Variants in OLAH observed in about 807,000 individuals in gnomAD.
OLAH encodes the protein oleoyl-ACP hydrolase.
Under a neutral mutation model 27.8 loss-of-function variants are expected in OLAH, and 33 were observed. That is an observed-to-expected ratio of 1.19 (90% CI 0.90 to 1.59). The LOEUF (loss-of-function observed/expected upper bound fraction) is 1.59. Ranked by LOEUF, OLAH falls within the 40% of genes most tolerant of loss-of-function variation. The pLI, the probability that OLAH is intolerant of heterozygous loss-of-function variation, is 0.00. For synonymous variants in OLAH, 120 were observed against 102.9 expected (o/e 1.17, Z -1.01); for missense variants, 359 against 310.8 (o/e 1.16, Z -1.17).
At chr10:15,061,992 G>A in intron 4 of OLAH, 130 bp downstream of exon 4, 1 of 813,082 alleles carries the variant, frequency 1.2e-6, no homozygotes, top group Non-Finnish European at 1.8e-6. Flanking sequence ...GGTAATTATG[G>A]CCATCACAAC....
chr10:15,054,039 A>ATT (rs34022567), intron 3 of OLAH, among the ~76,000 whole-genome samples: 26,188 of 129,028 alleles, frequency 0.2, 2,958 homozygotes, highest in Non-Finnish European at 0.26. Context: ...CCTCTTAAGC[A>ATT]TTTTTTTTTT....
Position 15,073,196 on chromosome 10 carries a change from G to C in OLAH, c.765G>C (p.Lys255Asn), listed in dbSNP as rs766109957. 3.8e-6 allele frequency: 6 copies of C among 1,599,466 alleles called. No homozygotes were observed. In the African/African-American group the frequency reaches 8.1e-5, roughly 22 times the overall value. Residue 255 changes from lysine (K) to asparagine (N), a missense_variant, in exon 8 of 8, where the codon AAG becomes AAC. Lys to Asn is a moderately conservative substitution (Grantham distance 94). Transcript: ENST00000378228. ...AATTAATCAAGAACTACATAATCAA[G>C]TGTCTAGAAGTATCATCGATATCCA... Reference protein sequence around the residue: ...NEKLIKNYIIKCLEVSSISNF With the variant: ...NEKLIKNYIINCLEVSSISNF
chr10:15,053,234 T>C (rs1176051811), intron 3 of OLAH, among the ~76,000 whole-genome samples: 1 of 152,102 alleles, frequency 6.6e-6, no homozygotes, highest in African/African-American at 2.4e-5. Context: ...TATCAGGTGA[T>C]GGTCAGGCAG....
At chr10:15,071,761 A>C (rs1844590887) in intron 6 of OLAH, 34 bp from the exon 7 acceptor site, 3 of 1,560,838 alleles carry the variant, frequency 1.9e-6, no homozygotes, top group Non-Finnish European at 2.6e-6. Context: ...TGTTGATTTC[A>C]AACAATTACT....
chr10:15,040,593 C>T (rs547744805), upstream of OLAH, among the ~76,000 whole-genome samples: 1 of 152,212 alleles, frequency 6.6e-6, no homozygotes, highest in Admixed American at 6.5e-5. Context: ...TTCCCTTCCC[C>T]ACTTCCCTTT....
chr10:15,064,634 G>C (rs1170029130), intron 5 of OLAH, 132 bp downstream of exon 5: 1 of 568,784 alleles, frequency 1.8e-6, no homozygotes, highest in Non-Finnish European at 3.0e-6. Flanking sequence ...TAATAGGTTG[G>C]TGCAAAAGCC....
upstream of OLAH, among the ~76,000 whole-genome samples, chr10:15,039,982 G>T (rs150435049): frequency 2.1e-4 from 32 of 152,308 alleles, no homozygotes; most frequent in African/African-American, 7.0e-4. Context: ...GCCTGTGCTT[G>T]GGTGGTCTTT....
At chr10:15,070,143 C>T (rs1314748183) in intron 6 of OLAH, among the ~76,000 whole-genome samples, 3 of 99,916 alleles carry the variant, frequency 3.0e-5, no homozygotes, top group Non-Finnish European at 5.7e-5. Context: ...GCTGCAGTTT[C>T]TCTGTTTTTT....
chr10:15,057,980 T>G (rs1323925865), intron 3 of OLAH, among the ~76,000 whole-genome samples: 1 of 152,228 alleles, frequency 6.6e-6, no homozygotes, highest in Non-Finnish European at 1.5e-5. Context: ...TCTTTCTGAA[T>G]GTTGTTTTGG....
chr10:15,036,107 A>G (rs1335949800), intron 1 of OLAH, among the ~76,000 whole-genome samples: 1 of 152,192 alleles, frequency 6.6e-6, no homozygotes, highest in African/African-American at 2.4e-5. Context: ...GACGCTGATT[A>G]ACTGTACGTT....
intron 1 of OLAH, chr10:15,038,583 T>G (rs1405222129): frequency 6.6e-6 from 1 of 152,226 alleles, no homozygotes; most frequent in Non-Finnish European, 1.5e-5. Flanking sequence ...GGAGTTCCCC[T>G]GTGCAAACTC....
chr10:15,066,710 G>A (rs1844476204), intron 6 of OLAH, among the ~76,000 whole-genome samples: 1 of 151,610 alleles, frequency 6.6e-6, no homozygotes. Context: ...GTGTGATCTT[G>A]GCTCACTGCA....
chr10:15,070,817 A>T (rs1338011255), intron 6 of OLAH, among the ~76,000 whole-genome samples: 4 of 107,798 alleles, frequency 3.7e-5, no homozygotes, highest in Admixed American at 1.2e-4. Context: ...ACAGGATCTT[A>T]CTCTGTTGCT....
chr10:15,047,221 G>A lies in OLAH; in HGVS notation c.-68G>A. On this transcript the variant is annotated 5_prime_UTR_variant, in exon 2 of 8. Coordinates refer to ENST00000378228, the MANE Select transcript of OLAH (RefSeq NM_001039702.3). ...CGAGCAGAGGTTCTTCGTCTCAAGA[G>A]GAACTGACTTCTGTTGAGCACTCAA... is the stretch of plus-strand genomic sequence containing the variant. The A allele has an allele frequency of 6.5e-7, 1 of 1,544,250 alleles. No homozygotes were observed. Among genetic ancestry groups the A allele is most frequent in the East Asian group, 2.3e-5 (1 of 43,624 alleles).
chr10:15,061,522 T>C (rs1430889648), intron 3 of OLAH, among the ~76,000 whole-genome samples: 3 of 152,176 alleles, frequency 2.0e-5, no homozygotes, highest in Non-Finnish European at 1.5e-5. Context: ...CTTTATCTTA[T>C]TGTGAGCAGA....
At chr10:15,040,685 A>G (rs75422536), upstream of OLAH, among the ~76,000 whole-genome samples, 5,260 of 151,648 alleles carry the variant, frequency 0.035, 143 homozygotes, top group Middle Eastern at 0.061. Flanking sequence ...TCATTCATTT[A>G]TTGTTCATTC....
intron 6 of OLAH, 150 bp from the exon 7 acceptor site, chr10:15,071,645 G>C: frequency 2.1e-6 from 3 of 1,411,602 alleles, no homozygotes; most frequent in Non-Finnish European, 2.8e-6. Context: ...TTGACAGGTA[G>C]AAGTGCCATT....
intron 1 of OLAH, among the ~76,000 whole-genome samples, chr10:15,045,474 A>T (rs10732940): frequency 0.69 from 105,161 of 152,074 alleles, 36,823 homozygotes; most frequent in East Asian, 0.98. Flanking sequence ...GTAAAGTCAG[A>T]GAAATCCTCA....
intron 1 of OLAH, among the ~76,000 whole-genome samples, chr10:15,044,648 T>G (rs1055043457): frequency 1.3e-5 from 2 of 152,078 alleles, no homozygotes; most frequent in Non-Finnish European, 2.9e-5. Flanking sequence ...ACAAACTTAG[T>G]TTTTACTTGT....
Sources: gnomAD v4.1 joint callset for allele counts (sites outside exome capture counted in the v4.1 genomes callset) on GRCh38, gnomAD v4.1.1 for gene constraint, MANE v1.5 for transcripts, NCBI Gene and HGNC (gene_info 2026-07-23, HGNC 2026-07-21) for gene names.